Variants in DCLK1 observed in about 807,000 individuals in gnomAD.
The protein encoded by DCLK1 is doublecortin like kinase 1, also known as serine/threonine-protein kinase DCLK1.
DCLK1 carries 16 observed loss-of-function variants against 86.2 expected under a neutral mutation model. The ratio of observed to expected loss-of-function variants is 0.19; its 90% CI spans 0.13 to 0.28. The LOEUF (loss-of-function observed/expected upper bound fraction) is 0.28. DCLK1 is among the 10% of genes least tolerant of loss of function. The pLI, the probability that DCLK1 is intolerant of heterozygous loss-of-function variation, is 1.00. For synonymous variants in DCLK1, 369 were observed against 370.5 expected (o/e 1.00, Z 0.05); for missense variants, 590 against 940.2 (o/e 0.63, Z 4.87).
At chr13:35,968,775 A>G (rs1878909989) in intron 3 of DCLK1, among the ~76,000 whole-genome samples, 2 of 152,186 alleles carry the variant, frequency 1.3e-5, no homozygotes, top group Non-Finnish European at 2.9e-5. Context: ...GAGAAAAAAA[A>G]AATGAAAGAA....
Position 35,774,412 on chromosome 13 carries a change from C to G in DCLK1, c.*123G>C, listed in dbSNP as rs2086385585. 2 of 1,174,426 alleles carry G rather than the reference C, an allele frequency of 1.7e-6. No homozygotes were observed. The highest frequency in any genetic ancestry group is 2.4e-6 in the Non-Finnish European group (2 of 846,928). The allele number at this position is 1,174,426 out of a possible 1,614,324, so 72.8% of individuals were successfully genotyped here. A position where few individuals can be genotyped will look rare whatever the true frequency, so the allele number is the denominator to read the frequency against. ...CTACAAAGATACCTGAAAACACTTT[C>G]AGTTCTGCCATTCAAGCATTGAGCG... On this transcript the variant is annotated 3_prime_UTR_variant, in exon 17 of 17. Transcript: ENST00000360631.
intron 3 of DCLK1, among the ~76,000 whole-genome samples, chr13:36,073,860 C>T (rs529371040): frequency 9.2e-5 from 14 of 152,234 alleles, no homozygotes; most frequent in South Asian, 8.3e-4. Context: ...CAGACAGATC[C>T]GCACCTGAAT....
chr13:36,096,302 C>A (rs1306367831), intron 3 of DCLK1, among the ~76,000 whole-genome samples: 1 of 152,156 alleles, frequency 6.6e-6, no homozygotes, highest in African/African-American at 2.4e-5. Context: ...GAGACCGGTC[C>A]TTGTTTTTGG....
At chr13:35,858,832 G>T (rs1871227641) in intron 5 of DCLK1, among the ~76,000 whole-genome samples, 2 of 151,826 alleles carry the variant, frequency 1.3e-5, no homozygotes, top group Admixed American at 6.5e-5. Context: ...AACACAACTT[G>T]TCTGAACATT....
At chr13:35,794,853 G>C (rs558284255) in intron 15 of DCLK1, among the ~76,000 whole-genome samples, 3 of 152,298 alleles carry the variant, frequency 2.0e-5, no homozygotes, top group African/African-American at 7.2e-5. Flanking sequence ...AATTCCAGTA[G>C]AGTGGGGATG....
chr13:36,039,308 G>A (rs1882618804), intron 3 of DCLK1, among the ~76,000 whole-genome samples: 1 of 152,152 alleles, frequency 6.6e-6, no homozygotes, highest in South Asian at 2.1e-4. Context: ...AACAAAATCT[G>A]TGAAAAATCA....
chr13:36,018,997 A>G (rs1489270024), intron 3 of DCLK1, among the ~76,000 whole-genome samples: 3 of 152,196 alleles, frequency 2.0e-5, no homozygotes, highest in African/African-American at 4.8e-5. Flanking sequence ...TGCTTGTTTC[A>G]GGATCTCAAA....
intron 16 of DCLK1, among the ~76,000 whole-genome samples, chr13:35,780,009 A>G (rs2086497700): frequency 6.6e-6 from 1 of 152,078 alleles, no homozygotes; most frequent in Non-Finnish European, 1.5e-5. Context: ...CATTTGAAAC[A>G]TAATTTGTTC....
chr13:36,013,405 C>T (rs369260996), intron 3 of DCLK1, among the ~76,000 whole-genome samples: 33 of 151,744 alleles, frequency 2.2e-4, no homozygotes, highest in Admixed American at 6.6e-4. Context: ...GATGGGTTTT[C>T]GGTGTGGATG....
At chr13:35,841,919 A>G (rs1050854334) in intron 6 of DCLK1, among the ~76,000 whole-genome samples, 1 of 152,076 alleles carries the variant, frequency 6.6e-6, no homozygotes, top group Non-Finnish European at 1.5e-5. Context: ...CCCCACTTCC[A>G]TTCAGAGACC....
intron 10 of DCLK1, among the ~76,000 whole-genome samples, chr13:35,825,889 T>G (rs2087511580): frequency 6.6e-6 from 1 of 151,964 alleles, no homozygotes; most frequent in Non-Finnish European, 1.5e-5. Context: ...CTTGGCTCAC[T>G]GCAACCACCA....
At chr13:35,836,742 C>T (rs1276026839) in intron 7 of DCLK1, among the ~76,000 whole-genome samples, 3 of 152,188 alleles carry the variant, frequency 2.0e-5, no homozygotes, top group Non-Finnish European at 4.4e-5. Flanking sequence ...TAAAACTACA[C>T]TATCTATTAT....
intron 3 of DCLK1, among the ~76,000 whole-genome samples, chr13:36,020,210 C>G (rs1881715601): frequency 6.6e-6 from 1 of 152,094 alleles, no homozygotes; most frequent in African/African-American, 2.4e-5. Flanking sequence ...CTTCTTTTCT[C>G]TATAAGTTAC....
At chr13:36,037,246 G>A (rs1185228880) in intron 3 of DCLK1, among the ~76,000 whole-genome samples, 1 of 152,142 alleles carries the variant, frequency 6.6e-6, no homozygotes, top group East Asian at 1.9e-4. Flanking sequence ...GCCAGAAAGG[G>A]TAGGGGTTGA....
intron 4 of DCLK1, among the ~76,000 whole-genome samples, chr13:35,873,092 T>G (rs1379602764): frequency 6.6e-6 from 1 of 151,768 alleles, no homozygotes; most frequent in African/African-American, 2.4e-5. Flanking sequence ...AATAAAAAAT[T>G]TTAGAGACAA....
intron 3 of DCLK1, among the ~76,000 whole-genome samples, chr13:36,084,306 T>A (rs1275999845): frequency 6.6e-6 from 1 of 152,130 alleles, no homozygotes; most frequent in Non-Finnish European, 1.5e-5. Flanking sequence ...TGATTCTTGG[T>A]TTTAGAAACT....
intron 16 of DCLK1, among the ~76,000 whole-genome samples, chr13:35,785,029 T>C (rs575607079): frequency 2.0e-5 from 3 of 152,194 alleles, no homozygotes; most frequent in African/African-American, 7.2e-5. Flanking sequence ...AGGACGGTGC[T>C]TGAATCCAAT....
intron 7 of DCLK1, 143 bp from the exon 8 acceptor site, chr13:35,836,284 C>T: frequency 1.5e-6 from 1 of 665,220 alleles, no homozygotes; most frequent in Non-Finnish European, 2.5e-6. Flanking sequence ...CAACTGCCTC[C>T]CCACCCTTGC....
intron 3 of DCLK1, among the ~76,000 whole-genome samples, chr13:36,017,228 G>A: frequency 6.6e-6 from 1 of 152,150 alleles, no homozygotes; most frequent in East Asian, 1.9e-4. Context: ...CAAACTGCGG[G>A]ATCTGTTCGT....
Sources: gnomAD v4.1 joint callset for allele counts (sites outside exome capture counted in the v4.1 genomes callset) on GRCh38, gnomAD v4.1.1 for gene constraint, MANE v1.5 for transcripts, NCBI Gene and HGNC (gene_info 2026-07-23, HGNC 2026-07-21) for gene names.